Variants in IGSF3 observed in about 807,000 individuals in gnomAD.
The protein encoded by IGSF3 is immunoglobulin superfamily member 3, also known as glu-Trp-Ile EWI motif-containing protein 3.
Under a neutral mutation model 114.4 loss-of-function variants are expected in IGSF3, and 23 were observed. The ratio of observed to expected loss-of-function variants is 0.20; its 90% CI spans 0.14 to 0.28. The LOEUF (loss-of-function observed/expected upper bound fraction) is 0.28. IGSF3 is among the 10% of genes least tolerant of loss of function. IGSF3 has a pLI of 1.00. For synonymous variants in IGSF3, 571 were observed against 645.2 expected, an observed-to-expected ratio of 0.88 and a Z score of 1.74; for missense variants, 1,172 against 1,591.5, an observed-to-expected ratio of 0.74 and a Z score of 4.48.
rs1648822015 is a variant in IGSF3, at chr1:116,655,803, A to AT, written c.43+10480dup. Among the ~76,000 whole-genome samples, 2 of 152,258 alleles carry AT rather than the reference A, an allele frequency of 1.3e-5. No individual in the cohort carries two copies. The highest frequency in any genetic ancestry group is 4.8e-5 in the African/African-American group (2 of 41,464). The stretch of plus-strand genomic sequence containing the variant: ...TTTAATTTAACATAATTTCAAAATT[A>AT]TAGCAAAATAGTCAATAAAATACGA... On this transcript the variant is annotated intron_variant, in intron 2 of 10. Transcript: ENST00000369486. The surrounding 1 kb of genome is among the most constrained non-coding windows in gnomAD (Gnocchi z 4.3).
At chr1:116,656,443 G>A (rs1183264941) in intron 2 of IGSF3, among the ~76,000 whole-genome samples, 1 of 151,678 alleles carries the variant, frequency 6.6e-6, no homozygotes, top group East Asian at 1.9e-4. Context: ...TGCAACTACA[G>A]GTGCCCGCCA....
chr1:116,586,033 A>T (rs1265796337), intron 8 of IGSF3, among the ~76,000 whole-genome samples: 1 of 152,210 alleles, frequency 6.6e-6, no homozygotes, highest in Admixed American at 6.5e-5. Context: ...TAATTTCACA[A>T]GGGCCCAAAT....
chr1:116,611,925 AG>A (rs1465258923), intron 4 of IGSF3, among the ~76,000 whole-genome samples: 1 of 152,158 alleles, frequency 6.6e-6, no homozygotes, highest in African/African-American at 2.4e-5. Context: ...AATGCTGTGG[AG>A]ACTGGCTACA....
At position 116,636,738 on chromosome 1, in the gene IGSF3, C is replaced by T. The variant is rs1312826597; in HGVS notation, c.44-20281G>A. 7.9e-5 allele frequency among the ~76,000 whole-genome samples: 12 copies of T among 152,116 alleles called. No individual in the cohort carries two copies. Among genetic ancestry groups the T allele is most frequent in the Non-Finnish European group, 1.6e-4 (11 of 68,034 alleles). ...GAAGCACAGGGCCCTCCTTCTGTCC[C>T]ACCCAGCTTTCTCACCACCCACCCC... On this transcript the variant is annotated intron_variant, in intron 2 of 10. Transcript: ENST00000369486. The surrounding 1 kb of genome is among the most constrained non-coding windows in gnomAD (Gnocchi z 4.5).
chr1:116,615,111 C>T lies in IGSF3; in HGVS notation c.422-936G>A, dbSNP rs1661168618. Among the ~76,000 whole-genome samples, 1 of 152,064 alleles carries T rather than the reference C, an allele frequency of 6.6e-6. No homozygotes were observed. The highest frequency in any genetic ancestry group is 6.5e-5 in the Admixed American group (1 of 15,270). On this transcript the variant is annotated intron_variant, in intron 3 of 10. Transcript: ENST00000369486. The surrounding 1 kb of genome is among the most constrained non-coding windows in gnomAD (Gnocchi z 4.3). Reference sequence around the variant, plus strand: ...CCAACATGGAGAAACCCCGTCTCTACTAAAAATACAAAATTAGCCAGGCAT... The same window carrying T: ...CCAACATGGAGAAACCCCGTCTCTATTAAAAATACAAAATTAGCCAGGCAT...
chr1:116,662,601 G>C lies in IGSF3; in HGVS notation c.43+3683C>G, dbSNP rs1304732205. Among the ~76,000 whole-genome samples, 1 of 152,170 alleles carries C rather than the reference G, an allele frequency of 6.6e-6. No homozygotes were observed. The highest frequency in any genetic ancestry group is 1.9e-4 in the East Asian group (1 of 5,190). On this transcript the variant is annotated intron_variant, in intron 2 of 10. Coordinates refer to ENST00000369486, the MANE Select transcript of IGSF3 (RefSeq NM_001007237.3). This position sits in a 1 kb window ranked among gnomAD's most constrained non-coding sequence, Gnocchi z 4.3. ...ATCTTAACACAGCCCTGGGTACCTGGAGGTAGCTCAATGATTCTCACAGCT... is the reference window on the plus strand; with the variant it reads ...ATCTTAACACAGCCCTGGGTACCTGCAGGTAGCTCAATGATTCTCACAGCT...
At position 116,627,322 on chromosome 1, in the gene IGSF3, G is replaced by A. The variant is rs1223517624; in HGVS notation, c.44-10865C>T. On this transcript the variant is annotated intron_variant, in intron 2 of 10. Transcript: ENST00000369486. The surrounding 1 kb of genome is among the most constrained non-coding windows in gnomAD (Gnocchi z 4.7). Reference sequence around the variant, plus strand: ...TGCTATTATTTTACGCTTCATTTCTGGACCTAGGATACCCCAGTTTCTCCA... The same window carrying A: ...TGCTATTATTTTACGCTTCATTTCTAGACCTAGGATACCCCAGTTTCTCCA... Among the ~76,000 whole-genome samples, 1 of 152,122 alleles carries A rather than the reference G, an allele frequency of 6.6e-6. No individual in the cohort carries two copies. Among genetic ancestry groups the A allele is most frequent in the Non-Finnish European group, 1.5e-5 (1 of 68,024 alleles).
At position 116,648,125 on chromosome 1, in the gene IGSF3, G is replaced by A. The variant is rs1648478628; in HGVS notation, c.43+18159C>T. Among the ~76,000 whole-genome samples the A allele has an allele frequency of 6.6e-6, 1 of 152,094 alleles. No homozygotes were observed. The highest frequency in any genetic ancestry group is 6.6e-5 in the Admixed American group (1 of 15,260). On this transcript the variant is annotated intron_variant, in intron 2 of 10. Transcript: ENST00000369486. This position sits in a 1 kb window ranked among gnomAD's most constrained non-coding sequence, Gnocchi z 4.7. Reference sequence around the variant, plus strand: ...TCTCAAAAAAAGAAAAAAAAGAGTGGCTACCCAAGAACGCAACAGCAGCAG... The same window carrying A: ...TCTCAAAAAAAGAAAAAAAAGAGTGACTACCCAAGAACGCAACAGCAGCAG...
intron 9 of IGSF3, among the ~76,000 whole-genome samples, chr1:116,581,309 T>C (rs899821702): frequency 2.7e-5 from 4 of 150,188 alleles, no homozygotes; most frequent in African/African-American, 9.8e-5. Flanking sequence ...GACTTGAATC[T>C]GTTTTGCTGT....
chr1:116,650,253 T>A lies in IGSF3; in HGVS notation c.43+16031A>T, dbSNP rs190591431. Among the ~76,000 whole-genome samples, 1 of 152,212 alleles carries A rather than the reference T, an allele frequency of 6.6e-6. No homozygotes were observed. The highest frequency in any genetic ancestry group is 1.5e-5 in the Non-Finnish European group (1 of 68,036). On this transcript the variant is annotated intron_variant, in intron 2 of 10. Coordinates refer to ENST00000369486, the MANE Select transcript of IGSF3 (RefSeq NM_001007237.3). The surrounding 1 kb of genome is among the most constrained non-coding windows in gnomAD (Gnocchi z 5.0). ...AATGTATGGAGATTGGACTGTTCAG[T>A]CTTCAGGGGCTTGGCCCTCAGGGTT...
chr1:116,639,798 C>T, intron 2 of IGSF3, among the ~76,000 whole-genome samples: 1 of 151,994 alleles, frequency 6.6e-6, no homozygotes, highest in East Asian at 1.9e-4. Flanking sequence ...CTTTGGGAGG[C>T]CAAGTTGGGC....
chr1:116,663,506 T>C (rs983314215), intron 2 of IGSF3, among the ~76,000 whole-genome samples: 1 of 147,012 alleles, frequency 6.8e-6, no homozygotes, highest in East Asian at 2.3e-4. Flanking sequence ...GGCAGAGCCA[T>C]GCACTGCCAC....
At chr1:116,639,037 G>A (rs1647960559) in intron 2 of IGSF3, among the ~76,000 whole-genome samples, 1 of 152,242 alleles carries the variant, frequency 6.6e-6, no homozygotes, top group Non-Finnish European at 1.5e-5. Context: ...AGGGTGGTCA[G>A]CCTGGAAAAT....
At chr1:116,639,879 C>T (rs1289256128) in intron 2 of IGSF3, among the ~76,000 whole-genome samples, 1 of 151,840 alleles carries the variant, frequency 6.6e-6, no homozygotes, top group Non-Finnish European at 1.5e-5. Context: ...ACTGAAAACA[C>T]AAAAATTAGC....
In IGSF3 at chr1:116,575,717, T is replaced by G. The variant is rs764845640; in HGVS notation, c.*1595A>C. 1.3e-5 allele frequency: 2 copies of G among 152,100 alleles called. No individual in the cohort carries two copies. Among genetic ancestry groups the G allele is most frequent in the African/African-American group, 2.4e-5 (1 of 41,374 alleles). The allele number at this position is 152,100 out of a possible 1,614,324, so 9.4% of individuals were successfully genotyped here. A position where few individuals can be genotyped will look rare whatever the true frequency, so the allele number is the denominator to read the frequency against. On this transcript the variant is annotated 3_prime_UTR_variant, in exon 11 of 11. Coordinates refer to ENST00000369486, the MANE Select transcript of IGSF3 (RefSeq NM_001007237.3). This position sits in a 1 kb window ranked among gnomAD's most constrained non-coding sequence, Gnocchi z 5.6. ...CCAGAAAAATATGGGAAAGCAAGGGTATAAGAACATCTTCATAAAGGGAGC... is the reference window on the plus strand; with the variant it reads ...CCAGAAAAATATGGGAAAGCAAGGGGATAAGAACATCTTCATAAAGGGAGC...
At chr1:116,630,931 T>C (rs1557878596) in intron 2 of IGSF3, among the ~76,000 whole-genome samples, 1 of 151,978 alleles carries the variant, frequency 6.6e-6, no homozygotes, top group East Asian at 1.9e-4. Flanking sequence ...CAGTTTGACA[T>C]TGATGGGTGG....
Position 116,614,054 on chromosome 1 carries a change from C to G in IGSF3, c.543G>C (p.Val181=). The G allele has an allele frequency of 6.2e-7, 1 of 1,614,200 alleles. No individual in the cohort carries two copies. The highest frequency in any genetic ancestry group is 8.5e-7 in the Non-Finnish European group (1 of 1,180,044). ...SETIQHSHLS[V]AWLRQKVGEK... ...CGCCAACTTTCTGCCGGAGCCAGGC[C>G]ACAGACAGGTGGCTGTGCTGAATGG... Residue 181 remains valine (V), a synonymous_variant, in exon 4 of 11, where the codon GTG becomes GTC. Transcript: ENST00000369486. This position sits in a 1 kb window ranked among gnomAD's most constrained non-coding sequence, Gnocchi z 4.5.
chr1:116,609,703 T>C (rs1186130175), intron 4 of IGSF3, among the ~76,000 whole-genome samples: 1 of 152,104 alleles, frequency 6.6e-6, no homozygotes, highest in Non-Finnish European at 1.5e-5. Context: ...TGACCTTGCC[T>C]GCCTTCCCTA....
Position 116,624,428 on chromosome 1 carries a change from T to C in IGSF3, c.44-7971A>G, listed in dbSNP as rs1337744191. ...AAGTGGTATAATTGTCACAGCGTTATGGAAGGATTAAATGAGTTGCTACAT... is the reference window on the plus strand; with the variant it reads ...AAGTGGTATAATTGTCACAGCGTTACGGAAGGATTAAATGAGTTGCTACAT... On this transcript the variant is annotated intron_variant, in intron 2 of 10. Transcript: ENST00000369486. This position sits in a 1 kb window ranked among gnomAD's most constrained non-coding sequence, Gnocchi z 4.9. Among the ~76,000 whole-genome samples, 1 of 152,198 alleles carries C rather than the reference T, an allele frequency of 6.6e-6. No individual in the cohort carries two copies. The highest frequency in any genetic ancestry group is 1.5e-5 in the Non-Finnish European group (1 of 68,032).
Sources: allele counts gnomAD v4.1 joint callset (sites outside exome capture counted in the v4.1 genomes callset), GRCh38; gene constraint gnomAD v4.1.1; non-coding constraint Gnocchi (gnomAD v3.1); transcripts MANE v1.5; gene names NCBI Gene and HGNC (gene_info 2026-07-23, HGNC 2026-07-21).